The following SETD1B variants were observed in gnomAD, a reference collection of about 807,000 sequenced individuals.
SETD1B encodes SET domain containing 1B, histone lysine methyltransferase, also known as histone-lysine N-methyltransferase SETD1B.
A neutral mutation model predicts 148.0 loss-of-function variants in SETD1B; 7 were observed. That is an observed-to-expected ratio of 0.05 (90% confidence interval 0.03 to 0.09). The LOEUF (loss-of-function observed/expected upper bound fraction) is 0.09, where lower values mean the gene tolerates loss of function less well. SETD1B is among the 10% of genes least tolerant of loss of function. The probability of loss-of-function intolerance (pLI) is 1.00; values close to 1 mark genes in which losing one functional copy is unlikely to be tolerated. For synonymous variants in SETD1B, 1,361 were observed against 1,186.5 expected (o/e 1.15, Z -3.02); for missense variants, 2,155 against 2,729.9 (o/e 0.79, Z 4.69).
At chr12:121,799,606 T>C (rs1030729676), upstream of SETD1B, 3 of 151,944 alleles carry the variant, frequency 2.0e-5, no homozygotes, top group Non-Finnish European at 4.4e-5. Flanking sequence ...TCCTCTCGTA[T>C]GCTGCTATAT....
chr12:121,807,067 C>T (rs757017619), intron 4 of SETD1B, among the ~76,000 whole-genome samples: 54 of 152,234 alleles, frequency 3.5e-4, no homozygotes, highest in Non-Finnish European at 5.9e-4. Flanking sequence ...GCATGGCGTT[C>T]AGGGACAACT....
chr12:121,791,274 C>T, the SETD1B span, among the ~76,000 whole-genome samples: 1 of 152,166 alleles, frequency 6.6e-6, no homozygotes. Flanking sequence ...TACAGGTGCC[C>T]ACCACCACAC....
chr12:121,807,600 T>C (rs1875809626), intron 4 of SETD1B, among the ~76,000 whole-genome samples: 1 of 152,158 alleles, frequency 6.6e-6, no homozygotes, highest in Admixed American at 6.5e-5. Context: ...TCTGAGGCTC[T>C]ATAAATATCG....
chr12:121,820,434 G>A (rs970676905), intron 11 of SETD1B, among the ~76,000 whole-genome samples: 4 of 152,250 alleles, frequency 2.6e-5, no homozygotes, highest in African/African-American at 9.6e-5. Flanking sequence ...CTCTTGAAAC[G>A]TGGCCAGTGG....
rs1414382014 is a variant in SETD1B at position 121,819,620 on chromosome 12, A to G, written c.3635A>G (p.Asp1212Gly). ...ASAGPEDFEQDGEEAALAPGA... is the reference protein window; with the variant it reads ...ASAGPEDFEQGGEEAALAPGA... ...GCAGGCCCTGAGGACTTTGAGCAGG[A>G]CGGGGAGGAAGCGGCTCTGGCCCCG... is the stretch of plus-strand genomic sequence containing the variant. The change falls in exon 11 of 17, where the codon GAC becomes GGC. Residue 1212 changes from aspartate to glycine, a missense_variant. Asp to Gly is a moderately conservative substitution (Grantham distance 94). This residue lies in a region of SETD1B where 862 missense variants were observed against 873.8 expected (regional missense o/e 0.99). Transcript: ENST00000604567. 1.1e-5 allele frequency: 17 copies of G among 1,551,848 alleles called. No homozygotes were observed. In the Middle Eastern group the frequency reaches 1.8e-3, roughly 168 times the overall value.
In SETD1B at chr12:121,823,438, C is replaced by T. The variant is rs767789389; in HGVS notation, c.4859C>T (p.Pro1620Leu). The T allele has an allele frequency of 8.3e-5, 129 of 1,549,148 alleles. No homozygotes were observed. Among genetic ancestry groups the T allele is most frequent in the Middle Eastern group, 1.7e-4 (1 of 5,990 alleles). Residue 1620 changes from proline to leucine, a missense_variant, in exon 12 of 17, where the codon CCG (proline) becomes CTG (leucine). This residue lies in a region of SETD1B where 862 missense variants were observed against 873.8 expected (regional missense o/e 0.99). Coordinates refer to ENST00000604567, the MANE Select transcript of SETD1B (RefSeq NM_001353345.2). The stretch of plus-strand genomic sequence containing the variant: ...CAGTGGCCCTCCGAGGCCATTCCTC[C>T]GGGCCCCCGTGGGCGCGATGAGGTC... ...DNQWPSEAIP[P>L]GPRGRDEVTE...
In SETD1B at chr12:121,809,737, C is replaced by A. The variant is rs1364938093; in HGVS notation, c.792C>A (p.Asp264Glu). ...CAGCTTATTCCAGCTGCCGCCTGGA[C>A]ACACCCAACTCCTATGGACAGGGCA... ...QDTAYSSCRL[D>E]TPNSYGQGTP... is the part of the protein sequence containing the mutation. The change falls in exon 6 of 17, where the codon GAC becomes GAA. Residue 264 changes from aspartate (D) to glutamate (E), a missense_variant. This residue lies in a region of SETD1B where 376 missense variants were observed against 385.0 expected (regional missense o/e 0.98). Transcript: ENST00000604567. 6.4e-7 allele frequency: 1 copy of A among 1,551,614 alleles called. No homozygotes were observed. Among genetic ancestry groups the A allele is most frequent in the Non-Finnish European group, 8.7e-7 (1 of 1,146,988 alleles).
intron 13 of SETD1B, among the ~76,000 whole-genome samples, chr12:121,825,701 G>A (rs1221920065): frequency 1.3e-5 from 2 of 152,020 alleles, no homozygotes; most frequent in Non-Finnish European, 2.9e-5. Flanking sequence ...CTGAAGTGCA[G>A]TGGCACAGTC....
chr12:121,815,079 G>T (rs904691833), intron 7 of SETD1B, 149 bp downstream of exon 7: 18 of 756,620 alleles, frequency 2.4e-5, no homozygotes, highest in Non-Finnish European at 3.5e-5. Flanking sequence ...CACTTTCAAA[G>T]TTCCGCAAAC....
At chr12:121,794,922 C>T in the SETD1B span, among the ~76,000 whole-genome samples, 2 of 152,204 alleles carry the variant, frequency 1.3e-5, no homozygotes. Context: ...TTCGTAGTTT[C>T]CTCAGATAGG....
chr12:121,809,321 C>G (rs1470061883), intron 5 of SETD1B, among the ~76,000 whole-genome samples: 1 of 152,144 alleles, frequency 6.6e-6, no homozygotes. Context: ...AAAGAAAATC[C>G]CAGCCTAAAC....
chr12:121,815,152 C>G (rs998222248), intron 7 of SETD1B, among the ~76,000 whole-genome samples: 14 of 152,164 alleles, frequency 9.2e-5, no homozygotes, highest in African/African-American at 3.1e-4. Context: ...AGTGGCCAGG[C>G]ATGGTGGCGT....
At chr12:121,828,700 G>A (rs1239417813) in intron 16 of SETD1B, among the ~76,000 whole-genome samples, 7 of 152,234 alleles carry the variant, frequency 4.6e-5, no homozygotes, top group Admixed American at 3.3e-4. Context: ...CGGGGTGGAT[G>A]CCCCTGACTT....
At chr12:121,796,412 G>A in the SETD1B span, among the ~76,000 whole-genome samples, 5 of 152,224 alleles carry the variant, frequency 3.3e-5, no homozygotes, top group Non-Finnish European at 5.9e-5. Context: ...CTGAGCCCTG[G>A]AGAGTTGCAG....
intron 11 of SETD1B, 21 bp downstream of exon 11, chr12:121,819,916 G>A: frequency 1.3e-6 from 2 of 1,540,026 alleles, no homozygotes; most frequent in South Asian, 2.4e-5. Flanking sequence ...CAACCCCCTG[G>A]GAGGGTGGTG....
In SETD1B at chr12:121,804,833, C is replaced by G. The variant is rs1875644203; in HGVS notation, c.96C>G (p.Tyr32Ter). ...GGAGGAACCACCATTGGAGAAGTTA[C>G]AAGTTGATGATTGACCCGGCTCTGA... ...GERRNHHWRSYKLMIDPALKK... is the reference protein window; with the variant it reads ...GERRNHHWRS The change falls in exon 2 of 17, where the codon TAC becomes TAG. Residue 32 changes from tyrosine to a stop codon, truncating the protein, a stop_gained. Transcript: ENST00000604567. LOFTEE classifies it high-confidence loss of function. The surrounding 1 kb of genome is among the most constrained non-coding windows in gnomAD (Gnocchi z 4.6). 1 of 1,550,814 alleles carries G rather than the reference C, an allele frequency of 6.4e-7. No homozygotes were observed. Among genetic ancestry groups the G allele is most frequent in the Non-Finnish European group, 8.7e-7 (1 of 1,146,778 alleles).
In SETD1B at chr12:121,827,508, G is replaced by C. The variant is rs566724467; in HGVS notation, c.5338-11G>C. Reference sequence around the variant, plus strand: ...CCAGCTCCGCTGAGCCCCGCACACCGTCCACTGCAGGGCATGAGCATCCCA... The same window carrying C: ...CCAGCTCCGCTGAGCCCCGCACACCCTCCACTGCAGGGCATGAGCATCCCA... On this transcript the variant is annotated splice_polypyrimidine_tract_variant and intron_variant, in intron 13 of 16. Coordinates refer to ENST00000604567, the MANE Select transcript of SETD1B (RefSeq NM_001353345.2). 52 of 1,529,808 alleles carry C rather than the reference G, an allele frequency of 3.4e-5. No homozygotes were observed. Among genetic ancestry groups the C allele is most frequent in the Non-Finnish European group, 4.5e-5 (51 of 1,138,224 alleles). 94.8% of individuals were successfully genotyped at this position (1,529,808 alleles called of 1,614,324 possible). A position where few individuals can be genotyped will look rare whatever the true frequency, so the allele number is the denominator to read the frequency against.
At position 121,804,446 on chromosome 12, in the gene SETD1B, G is replaced by C. The variant is rs558313529; in HGVS notation, c.-15+213G>C. Among the ~76,000 whole-genome samples, 1 of 149,554 alleles carries C rather than the reference G, an allele frequency of 6.7e-6. No individual in the cohort carries two copies. Among genetic ancestry groups the C allele is most frequent in the African/African-American group, 2.4e-5 (1 of 41,040 alleles). ...CCATGGGCCGGAGTCCGCGTCCTCC[G>C]GGCGCCCCGGGCCCCGCCAGCCCGC... On this transcript the variant is annotated intron_variant, in intron 1 of 16. Transcript: ENST00000604567. The surrounding 1 kb of genome is among the most constrained non-coding windows in gnomAD (Gnocchi z 4.6).
chr12:121,814,303 AC>A lies in SETD1B; in HGVS notation c.2093del (p.Pro698HisfsTer26). 1 of 476,576 alleles carries A rather than the reference AC, an allele frequency of 2.1e-6. No individual in the cohort carries two copies. Among genetic ancestry groups the A allele is most frequent in the Non-Finnish European group, 2.6e-6 (1 of 387,716 alleles). The allele number at this position is 476,576 out of a possible 1,614,324, so 29.5% of individuals were successfully genotyped here. A position where few individuals can be genotyped will look rare whatever the true frequency, so the allele number is the denominator to read the frequency against. Reference protein sequence around the residue: ...FPPLPPPPPPPPPQPGFPMPP... With the variant: ...FPPLPPPPPPXPPQPGFPMPP... The stretch of plus-strand genomic sequence containing the variant: ...CCCCGCTGCCCCCCCCACCACCACC[AC>A]CCCCACCGCAGCCTGGCTTCCCCAT... On this transcript the variant is annotated frameshift_variant, in exon 7 of 17. Coordinates refer to ENST00000604567, the MANE Select transcript of SETD1B (RefSeq NM_001353345.2). LOFTEE classifies it high-confidence loss of function.
Sources: allele counts gnomAD v4.1 joint callset (sites outside exome capture counted in the v4.1 genomes callset), GRCh38; gene constraint gnomAD v4.1.1; regional missense constraint gnomAD v4.1.1; non-coding constraint Gnocchi (gnomAD v3.1); transcripts MANE v1.5; gene names NCBI Gene and HGNC (gene_info 2026-07-23, HGNC 2026-07-21).